Variants in SIDT2 observed in about 807,000 individuals in gnomAD.
The protein encoded by SIDT2 is SID1 transmembrane family member 2.
In SIDT2, 68 loss-of-function variants were observed where a neutral mutation model predicts 114.4. The observed-to-expected ratio is 0.59, with a 90% CI of 0.49 to 0.73. SIDT2 has a LOEUF of 0.73. Among genes scored for constraint, SIDT2 ranks in the 30% least tolerant of loss-of-function variants. The pLI, the probability that SIDT2 is intolerant of heterozygous loss-of-function variation, is 0.00. For synonymous variants in SIDT2, 470 were observed against 438.4 expected (o/e 1.07, Z -0.90); for missense variants, 918 against 1,097.1 (o/e 0.84, Z 2.31).
chr11:117,192,092 C>A lies in SIDT2; in HGVS notation c.1872+78C>A. On this transcript the variant is annotated intron_variant, in intron 19 of 25. Coordinates refer to ENST00000324225, the MANE Select transcript of SIDT2 (RefSeq NM_001040455.2). This position sits in a 1 kb window ranked among gnomAD's most constrained non-coding sequence, Gnocchi z 5.9. ...CGTTCAGACACGTAGTGCACACCCTCCGCCACCTCCTGCATGAGAGATTCC... is the reference window on the plus strand; with the variant it reads ...CGTTCAGACACGTAGTGCACACCCTACGCCACCTCCTGCATGAGAGATTCC... The A allele has an allele frequency of 6.3e-7, 1 of 1,592,930 alleles. No homozygotes were observed. The highest frequency in any genetic ancestry group is 8.6e-7 in the Non-Finnish European group (1 of 1,166,340).
Position 117,189,081 on chromosome 11 carries a change from A to T in SIDT2, c.1279-88A>T, listed in dbSNP as rs900792818. ...GCCCCCCTGAATTCGGCCCTGTGTG[A>T]GGGAGGCCCCTCTTGTCCACCTCTA... On this transcript the variant is annotated intron_variant, in intron 13 of 25. Transcript: ENST00000324225. 9.5e-6 allele frequency: 13 copies of T among 1,372,210 alleles called. No individual in the cohort carries two copies. The African/African-American group carries it at 1.7e-4, about 18-fold the overall frequency. 85.0% of individuals were successfully genotyped at this position (1,372,210 alleles called of 1,614,324 possible).
At chr11:117,186,103 G>T in intron 8 of SIDT2, 27 bp from the exon 9 acceptor site, 1 of 1,598,684 alleles carries the variant, frequency 6.3e-7, no homozygotes, top group Middle Eastern at 1.7e-4. Flanking sequence ...GTTTTGACCT[G>T]TCCACCTTCC....
In SIDT2 at chr11:117,188,689, C is replaced by G. The variant is rs1354678648; in HGVS notation, c.1160-19C>G. 23 of 1,596,842 alleles carry G rather than the reference C, an allele frequency of 1.4e-5. No individual in the cohort carries two copies. Among genetic ancestry groups the G allele is most frequent in the Non-Finnish European group, 1.8e-5 (21 of 1,164,256 alleles). ...TTTTGTGTCCACCGGTGCAACCCCTCCCTCCCTGCCCTTTCCAGGCCGCTC... is the reference window on the plus strand; with the variant it reads ...TTTTGTGTCCACCGGTGCAACCCCTGCCTCCCTGCCCTTTCCAGGCCGCTC... On this transcript the variant is annotated intron_variant, in intron 12 of 25. Coordinates refer to ENST00000324225, the MANE Select transcript of SIDT2 (RefSeq NM_001040455.2). This position sits in a 1 kb window ranked among gnomAD's most constrained non-coding sequence, Gnocchi z 4.0.
In SIDT2 at chr11:117,196,126, G is replaced by A. The variant is rs954221465; in HGVS notation, c.*60G>A. ...CCTGAGCTCCTTTGTGTCATAGACC[G>A]GTCACTCTGTCGTGCTGTGGGGATG... is the stretch of plus-strand genomic sequence containing the variant. On this transcript the variant is annotated 3_prime_UTR_variant, in exon 26 of 26. Transcript: ENST00000324225. The surrounding 1 kb of genome is among the most constrained non-coding windows in gnomAD (Gnocchi z 4.9). 5.6e-6 allele frequency: 9 copies of A among 1,607,928 alleles called. No homozygotes were observed. The highest frequency in any genetic ancestry group is 3.3e-5 in the South Asian group (3 of 90,816).
rs760058154 is a variant in SIDT2, at chr11:117,183,795, G to A, written c.719G>A (p.Ser240Asn). 1.2e-6 allele frequency: 2 copies of A among 1,613,636 alleles called. No individual in the cohort carries two copies. Among genetic ancestry groups the A allele is most frequent in the Admixed American group, 1.7e-5 (1 of 60,002 alleles). The change falls in exon 7 of 26, where the codon AGC becomes AAC. Residue 240 changes from serine (S) to asparagine (N), a missense_variant. Around this residue, in one of 4 missense-constraint regions of SIDT2, gnomAD observed 553 missense variants for 600.1 expected, o/e 0.92. Coordinates refer to ENST00000324225, the MANE Select transcript of SIDT2 (RefSeq NM_001040455.2). Reference protein sequence around the residue: ...AITVQRKDFPSNSFYVVVVVK... With the variant: ...AITVQRKDFPNNSFYVVVVVK... ...ATCCTGCAGCGCAAAGACTTCCCCA[G>A]CAACAGCTTTTATGTGGTGGTGGTG... is the stretch of plus-strand genomic sequence containing the variant.
intron 12 of SIDT2, 64 bp downstream of exon 12, chr11:117,187,763 C>T (rs1022278621): frequency 2.7e-5 from 41 of 1,525,562 alleles, no homozygotes; most frequent in Non-Finnish European, 3.1e-5. Context: ...TAAAATGTCA[C>T]GGTGGGCGGT....
chr11:117,179,223 GCCGCCGCCA>G lies in SIDT2; in HGVS notation c.-38_-30del. On this transcript the variant is annotated 5_prime_UTR_variant, in exon 1 of 26. Coordinates refer to ENST00000324225, the MANE Select transcript of SIDT2 (RefSeq NM_001040455.2). ...AGGTGTCCTGTCTCCTGTCGCCGCC[GCCGCCGCCA>G]CCACCGCTGCCACTGCCGCCCTGCC... The G allele has an allele frequency of 6.3e-7, 1 of 1,589,098 alleles. No individual in the cohort carries two copies. Among genetic ancestry groups the G allele is most frequent in the Non-Finnish European group, 8.6e-7 (1 of 1,169,332 alleles).
Position 117,184,511 on chromosome 11 carries a change from T to C in SIDT2, c.868+372T>C, listed in dbSNP as rs148521409. 6.4e-3 allele frequency among the ~76,000 whole-genome samples: 982 copies of C among 152,314 alleles called. 11 individuals are homozygous for C. The highest frequency in any genetic ancestry group is 0.031 in the Middle Eastern group (9 of 294). On this transcript the variant is annotated intron_variant, in intron 8 of 25. Transcript: ENST00000324225. ...TCAGAAACATACCCTAATTTGTCAT[T>C]GAAACACTGCTATAAGATTGAGTCT...
chr11:117,192,137 C>T lies in SIDT2; in HGVS notation c.1873-117C>T. The T allele has an allele frequency of 1.3e-6, 2 of 1,539,416 alleles. No individual in the cohort carries two copies. Among genetic ancestry groups the T allele is most frequent in the Admixed American group, 1.7e-5 (1 of 57,958 alleles). Reference sequence around the variant, plus strand: ...GATTCCTGCTCCTTCCCTGAGATGCCTTCCTGGGCCCCTCTCAGAGTCCCA... The same window carrying T: ...GATTCCTGCTCCTTCCCTGAGATGCTTTCCTGGGCCCCTCTCAGAGTCCCA... On this transcript the variant is annotated intron_variant, in intron 19 of 25. Transcript: ENST00000324225. The surrounding 1 kb of genome is among the most constrained non-coding windows in gnomAD (Gnocchi z 5.9).
At position 117,187,434 on chromosome 11, in the gene SIDT2, A is replaced by G. The variant is rs2030540111; in HGVS notation, c.1072A>G (p.Asn358Asp). The part of the protein sequence containing the change: ...FPGSSPYEGY[N>D]YGSFENVSGS... The stretch of plus-strand genomic sequence containing the variant: ...TGGCAGTTCCCCTTATGAGGGTTAC[A>G]ACTATGGCTCCTTTGGTACGTGTCA... The change falls in exon 11 of 26, where the codon AAC becomes GAC. Residue 358 changes from asparagine to aspartate, a missense_variant. Transcript: ENST00000324225. 6.2e-7 allele frequency: 1 copy of G among 1,614,082 alleles called. No individual in the cohort carries two copies. The highest frequency in any genetic ancestry group is 1.3e-5 in the African/African-American group (1 of 75,030).
Position 117,188,776 on chromosome 11 carries a change from T to G in SIDT2, c.1228T>G (p.Tyr410Asp). ...DSMSSVEEDD[Y>D]DTLTDIDSDK... Reference sequence around the variant, plus strand: ...CATGAGCTCTGTGGAGGAGGATGACTACGACACATTGACCGACATCGATTC... The same window carrying G: ...CATGAGCTCTGTGGAGGAGGATGACGACGACACATTGACCGACATCGATTC... The change falls in exon 13 of 26, where the codon TAC (tyrosine) becomes GAC (aspartate). Residue 410 changes from tyrosine (Y) to aspartate (D), a missense_variant. This residue lies in a region of SIDT2 where 553 missense variants were observed against 600.1 expected (regional missense o/e 0.92). Transcript: ENST00000324225. This position sits in a 1 kb window ranked among gnomAD's most constrained non-coding sequence, Gnocchi z 4.0. 1 of 1,614,148 alleles carries G rather than the reference T, an allele frequency of 6.2e-7. No homozygotes were observed. The highest frequency in any genetic ancestry group is 1.3e-5 in the African/African-American group (1 of 75,040).
At chr11:117,193,799 G>T (rs776597092) in intron 23 of SIDT2, 54 bp from the exon 24 acceptor site, 4 of 1,329,642 alleles carry the variant, frequency 3.0e-6, no homozygotes, top group South Asian at 1.2e-5. Flanking sequence ...GTGGGACAGC[G>T]GGGTGGGACA....
rs521171 is a variant in SIDT2 at position 117,193,977 on chromosome 11, C to G, written c.2322+14C>G. ...AGCACCTGGCAGGTGAGCACTCACCCTCAGGCTCCTTGTGAGCCAACAAGT... is the reference window on the plus strand; with the variant it reads ...AGCACCTGGCAGGTGAGCACTCACCGTCAGGCTCCTTGTGAGCCAACAAGT... On this transcript the variant is annotated intron_variant, in intron 24 of 25. Transcript: ENST00000324225. 1,144,578 of 1,606,060 alleles carry G rather than the reference C, an allele frequency of 0.71. 419,800 individuals are homozygous for G. The highest frequency in any genetic ancestry group is 0.77 in the Non-Finnish European group (904,183 of 1,173,444).
At chr11:117,186,741 T>A in intron 10 of SIDT2, 105 bp downstream of exon 10, 1 of 1,019,814 alleles carries the variant, frequency 9.8e-7, no homozygotes, top group Non-Finnish European at 1.4e-6. Flanking sequence ...GCTGGGGGTT[T>A]CTGGATGTTC....
At chr11:117,185,255 T>A (rs1010303932) in intron 8 of SIDT2, among the ~76,000 whole-genome samples, 1 of 151,918 alleles carries the variant, frequency 6.6e-6, no homozygotes, top group African/African-American at 2.4e-5. Flanking sequence ...TTCACCGTGT[T>A]AGCCAGGATG....
rs1287675224 is a variant in SIDT2 at position 117,193,848 on chromosome 11, C to T, written c.2212-5C>T. 1 of 1,612,864 alleles carries T rather than the reference C, an allele frequency of 6.2e-7. No homozygotes were observed. The highest frequency in any genetic ancestry group is 1.7e-5 in the Admixed American group (1 of 60,018). On this transcript the variant is annotated splice_polypyrimidine_tract_variant and splice_region_variant and intron_variant, in intron 23 of 25. Coordinates refer to ENST00000324225, the MANE Select transcript of SIDT2 (RefSeq NM_001040455.2). ...AGACTGCTGTCCCTGCCTGGCCCCT[C>T]CCAGCTCCGGAGTGGGGAGAGGATC... is the stretch of plus-strand genomic sequence containing the variant.
Position 117,182,589 on chromosome 11 carries a change from C to G in SIDT2, c.587C>G (p.Pro196Arg). 1 of 1,614,252 alleles carries G rather than the reference C, an allele frequency of 6.2e-7. No homozygotes were observed. The highest frequency in any genetic ancestry group is 8.5e-7 in the Non-Finnish European group (1 of 1,180,048). Residue 196 changes from proline to arginine, a missense_variant, in exon 5 of 26, where the codon CCC becomes CGC. Coordinates refer to ENST00000324225, the MANE Select transcript of SIDT2 (RefSeq NM_001040455.2). The part of the protein sequence containing the change: ...IVKVTSNKAF[P>R]CSVISIQDVL... ...AAGGTGACCTCCAACAAGGCCTTCCCCTGCTCAGTCATCTCCATTCAGGAT... is the reference window on the plus strand; with the variant it reads ...AAGGTGACCTCCAACAAGGCCTTCCGCTGCTCAGTCATCTCCATTCAGGAT...
Position 117,193,969 on chromosome 11 carries a change from C to T in SIDT2, c.2322+6C>T. 2 of 1,609,036 alleles carry T rather than the reference C, an allele frequency of 1.2e-6. No individual in the cohort carries two copies. Among genetic ancestry groups the T allele is most frequent in the Non-Finnish European group, 8.5e-7 (1 of 1,175,554 alleles). On this transcript the variant is annotated splice_donor_region_variant and intron_variant, in intron 24 of 25. Transcript: ENST00000324225. ...AGGGACTCAGCACCTGGCAGGTGAGCACTCACCCTCAGGCTCCTTGTGAGC... is the reference window on the plus strand; with the variant it reads ...AGGGACTCAGCACCTGGCAGGTGAGTACTCACCCTCAGGCTCCTTGTGAGC...
chr11:117,187,280 C>T, intron 10 of SIDT2, 98 bp from the exon 11 acceptor site: 1 of 1,221,910 alleles, frequency 8.2e-7, no homozygotes, highest in Non-Finnish European at 1.2e-6. Flanking sequence ...GGCATGGCCT[C>T]CCTGTGGCTG....
Sources: gnomAD v4.1 joint callset for allele counts (sites outside exome capture counted in the v4.1 genomes callset) on GRCh38, gnomAD v4.1.1 for gene constraint, gnomAD v4.1.1 regional missense constraint, Gnocchi (gnomAD v3.1) non-coding constraint, MANE v1.5 for transcripts, NCBI Gene and HGNC (gene_info 2026-07-23, HGNC 2026-07-21) for gene names.